Variants in GSE1 observed in about 807,000 individuals in gnomAD.
The protein encoded by GSE1 is genetic suppressor element 1.
GSE1 carries 32 observed loss-of-function variants against 112.6 expected under a neutral mutation model. The ratio of observed to expected loss-of-function variants is 0.28; its 90% confidence interval spans 0.21 to 0.38. The LOEUF (loss-of-function observed/expected upper bound fraction) is 0.38, where lower values mean the gene tolerates loss of function less well. Ranked by LOEUF, GSE1 falls within the 10% of genes least tolerant of loss-of-function variation. GSE1 has a pLI of 1.00. For missense variants in GSE1, 2,348 were observed against 1,699.2 expected (o/e 1.38, Z -6.71); for synonymous variants, 1,115 against 735.6 (o/e 1.52, Z -8.35).
At chr16:85,635,455 C>A (rs2049914187) in intron 2 of GSE1, among the ~76,000 whole-genome samples, 1 of 152,170 alleles carries the variant, frequency 6.6e-6, no homozygotes, top group South Asian at 2.1e-4. Context: ...CAGCTGCAGG[C>A]AAGATGGCTC....
chr16:85,529,848 G>A (rs930252645), intron 2 of GSE1, among the ~76,000 whole-genome samples: 1 of 152,222 alleles, frequency 6.6e-6, no homozygotes, highest in South Asian at 2.1e-4. Flanking sequence ...CTAGGCAGCT[G>A]GGAGCCACGA....
chr16:85,321,034 G>A (rs1451199643), intron 1 of GSE1, among the ~76,000 whole-genome samples: 2 of 152,050 alleles, frequency 1.3e-5, no homozygotes, highest in East Asian at 1.9e-4. Context: ...CCATCACCCC[G>A]ATCTTATTTA....
intron 12 of GSE1, among the ~76,000 whole-genome samples, chr16:85,665,456 G>C (rs2052766171): frequency 6.6e-6 from 1 of 152,206 alleles, no homozygotes; most frequent in African/African-American, 2.4e-5. Flanking sequence ...ATCCCAGGAG[G>C]GAGGGCGTGC....
intron 15 of GSE1, 37 bp from the exon 16 acceptor site, chr16:85,672,368 A>G (rs745308010): frequency 6.4e-6 from 10 of 1,555,026 alleles, no homozygotes; most frequent in South Asian, 3.4e-5. Flanking sequence ...TTACAGAGGA[A>G]ACGGGTTGGT....
chr16:85,504,035 C>T (rs569447905), intron 2 of GSE1, among the ~76,000 whole-genome samples: 5 of 152,314 alleles, frequency 3.3e-5, no homozygotes, highest in South Asian at 2.1e-4. Context: ...AAGCGCCATC[C>T]TCCGCCCGCC....
intron 1 of GSE1, among the ~76,000 whole-genome samples, chr16:85,252,294 G>T (rs1307022102): frequency 6.6e-6 from 1 of 152,208 alleles, no homozygotes; most frequent in Non-Finnish European, 1.5e-5. Context: ...GAGGGAATCT[G>T]GTGGCAGGAG....
At chr16:85,515,615 G>C (rs765332836) in intron 2 of GSE1, among the ~76,000 whole-genome samples, 2 of 151,674 alleles carry the variant, frequency 1.3e-5, no homozygotes, top group African/African-American at 2.4e-5. Flanking sequence ...TTTCTGTGTG[G>C]GGGGAGATCG....
chr16:85,437,023 A>G (rs1364713951), intron 2 of GSE1, among the ~76,000 whole-genome samples: 4 of 152,174 alleles, frequency 2.6e-5, no homozygotes, highest in Non-Finnish European at 5.9e-5. Context: ...TCCCCTCCCC[A>G]GCGACTTTTG....
chr16:85,384,859 G>A (rs11149740), intron 2 of GSE1, among the ~76,000 whole-genome samples: 131,391 of 152,224 alleles, frequency 0.86, 59,986 homozygotes, highest in East Asian at 1. Flanking sequence ...GCCTGTCCGA[G>A]TCTTGCTGGG....
At chr16:85,189,931 C>CTTTT (rs2074787718) in intron 1 of GSE1, among the ~76,000 whole-genome samples, 1 of 152,158 alleles carries the variant, frequency 6.6e-6, no homozygotes, top group Non-Finnish European at 1.5e-5. Context: ...ATTAATCTCC[C>CTTTT]AAAAGGTTTA....
rs139892598 is a variant in GSE1, at chr16:85,617,596, TCCCC to T, written c.7+4210_7+4213del. ...AGCCTGGGCATCCGTGTGTCAACCC[TCCCC>T]CCCCCCCCCCCGTTAACTGCCACGT... On this transcript the variant is annotated intron_variant, in intron 1 of 15. Coordinates refer to ENST00000253458, the MANE Select transcript of GSE1 (RefSeq NM_014615.5). Among the ~76,000 whole-genome samples, 105 of 36,418 alleles carry T rather than the reference TCCCC, an allele frequency of 2.9e-3. 3 individuals are homozygous for T. Among genetic ancestry groups the T allele is most frequent in the Middle Eastern group, 0.025 (1 of 40 alleles). The allele number at this position is 36,418 out of a possible 152,430, so 23.9% of individuals were successfully genotyped here.
At chr16:85,444,433 TC>T (rs1351257782) in intron 2 of GSE1, among the ~76,000 whole-genome samples, 1 of 152,148 alleles carries the variant, frequency 6.6e-6, no homozygotes, top group African/African-American at 2.4e-5. Context: ...AGGCCTGAGT[TC>T]GCACTGCAGG....
In GSE1 at chr16:85,654,357, G is replaced by T. The variant is rs1169741619; in HGVS notation, c.506G>T (p.Gly169Val). 3 of 1,611,996 alleles carry T rather than the reference G, an allele frequency of 1.9e-6. No homozygotes were observed. In the Admixed American group the frequency reaches 5.0e-5, roughly 27 times the overall value. Reference protein sequence around the residue: ...EPPLPQEKAGGPAIPSHLLST... With the variant: ...EPPLPQEKAGVPAIPSHLLST... ...CCGCTCCCTCAGGAGAAGGCAGGGG[G>T]ACCAGCCATCCCCTCGCACCTGCTC... Residue 169 changes from glycine to valine, a missense_variant, in exon 4 of 16, where the codon GGA becomes GTA. Transcript: ENST00000253458.
chr16:85,466,889 A>G (rs1293445719), intron 2 of GSE1, among the ~76,000 whole-genome samples: 1 of 152,086 alleles, frequency 6.6e-6, no homozygotes, highest in Non-Finnish European at 1.5e-5. Flanking sequence ...GCGAAGCCTC[A>G]TCTCTACTGA....
intron 1 of GSE1, among the ~76,000 whole-genome samples, chr16:85,263,287 C>T (rs1380562630): frequency 6.6e-6 from 1 of 151,938 alleles, no homozygotes; most frequent in Non-Finnish European, 1.5e-5. Context: ...AAATACACAG[C>T]CTATTAATTT....
At position 85,170,193 on chromosome 16, in the gene GSE1, G is replaced by A. The variant is rs868450328; in HGVS notation, c.669G>A (p.Gln223=). 20 of 985,236 alleles carry A rather than the reference G, an allele frequency of 2.0e-5. No individual in the cohort carries two copies. In the South Asian group the frequency reaches 5.6e-4, roughly 28 times the overall value. 61.0% of individuals were successfully genotyped at this position (985,236 alleles called of 1,614,324 possible). The change falls in exon 1 of 3, where the codon CAG becomes CAA. Residue 223 remains glutamine (Q), a synonymous_variant. Coordinates refer to the GSE1 transcript ENST00000637419. ...CGGCTCCGGGACCCGCTCCGGGACAGGGCGCAGAGGCCTCGGCGCAGGGGC... is the reference window on the plus strand; with the variant it reads ...CGGCTCCGGGACCCGCTCCGGGACAAGGCGCAGAGGCCTCGGCGCAGGGGC...
chr16:85,395,394 G>C (rs2047942059), intron 2 of GSE1, among the ~76,000 whole-genome samples: 1 of 152,130 alleles, frequency 6.6e-6, no homozygotes, highest in Admixed American at 6.5e-5. Context: ...AGGACCATAG[G>C]AATCTCCCGT....
chr16:85,272,024 G>A (rs1908886110), intron 1 of GSE1, among the ~76,000 whole-genome samples: 1 of 152,220 alleles, frequency 6.6e-6, no homozygotes, highest in Non-Finnish European at 1.5e-5. Context: ...TCTGGTGGAG[G>A]CTGCCTCCTG....
At chr16:85,231,309 G>A (rs1322796348) in intron 1 of GSE1, among the ~76,000 whole-genome samples, 1 of 150,494 alleles carries the variant, frequency 6.6e-6, no homozygotes, top group Non-Finnish European at 1.5e-5. Flanking sequence ...ATGGATGGAC[G>A]GAAGGACAGA....
Sources: allele counts gnomAD v4.1 joint callset (sites outside exome capture counted in the v4.1 genomes callset), GRCh38; gene constraint gnomAD v4.1.1; transcripts MANE v1.5; gene names NCBI Gene and HGNC (gene_info 2026-07-23, HGNC 2026-07-21).